EPHA4: variants seen among roughly 807,000 people sequenced by gnomAD.
EPHA4 encodes EPH receptor A4, also known as ephrin type-A receptor 4.
Under a neutral mutation model 108.3 loss-of-function variants are expected in EPHA4, and 19 were observed. The ratio of observed to expected loss-of-function variants is 0.18; its 90% confidence interval spans 0.12 to 0.26. EPHA4 has a LOEUF of 0.26. Among genes scored for constraint, EPHA4 ranks in the 10% least tolerant of loss-of-function variants. EPHA4 has a pLI of 1.00. For missense variants in EPHA4, 917 were observed against 1,254.0 expected (o/e 0.73, Z 4.06); for synonymous variants, 449 against 455.5 (o/e 0.99, Z 0.18).
intron 9 of EPHA4, 39 bp downstream of exon 9, chr2:221,446,084 T>C (rs1160132737): frequency 7.3e-7 from 1 of 1,373,594 alleles, no homozygotes; most frequent in African/African-American, 1.5e-5. Context: ...ACGTGTGACA[T>C]GCTCTAAAAA....
At chr2:221,463,693 A>G (rs549315285) in intron 5 of EPHA4, among the ~76,000 whole-genome samples, 1 of 152,308 alleles carries the variant, frequency 6.6e-6, no homozygotes, top group South Asian at 2.1e-4. Context: ...TGAATGCTGC[A>G]ATTTTCTTTT....
chr2:221,436,772 A>G (rs1690253797), intron 12 of EPHA4, among the ~76,000 whole-genome samples, 164 bp from the exon 13 acceptor site: 1 of 152,184 alleles, frequency 6.6e-6, no homozygotes, highest in Non-Finnish European at 1.5e-5. Context: ...TCACTAGTAG[A>G]CTGTACCCTA....
At chr2:221,546,816 G>A (rs1483785295) in intron 3 of EPHA4, among the ~76,000 whole-genome samples, 1 of 152,116 alleles carries the variant, frequency 6.6e-6, no homozygotes, top group Non-Finnish European at 1.5e-5. Flanking sequence ...GGCAAACATC[G>A]TGTTTCATAT....
chr2:221,543,709 A>G (rs1336065331), intron 3 of EPHA4, among the ~76,000 whole-genome samples: 1 of 152,186 alleles, frequency 6.6e-6, no homozygotes, highest in Admixed American at 6.5e-5. Context: ...CAGCTAAAAC[A>G]CATAGATGAT....
chr2:221,499,750 A>AT (rs1559267812), intron 4 of EPHA4, among the ~76,000 whole-genome samples: 19 of 46,546 alleles, frequency 4.1e-4, no homozygotes, highest in South Asian at 7.2e-4. Flanking sequence ...ATATATATAT[A>AT]TATATATTTT....
At chr2:221,517,429 C>T (rs1026418953) in intron 3 of EPHA4, among the ~76,000 whole-genome samples, 1 of 152,102 alleles carries the variant, frequency 6.6e-6, no homozygotes, top group Non-Finnish European at 1.5e-5. Flanking sequence ...TGATTTGATA[C>T]AAATTGTCAA....
At position 221,493,698 on chromosome 2, in the gene EPHA4, C is replaced by T. The variant is rs563833087; in HGVS notation, c.979+7319G>A. ...TAGAACTGAAATGGTAATTTTAAAA[C>T]AATACACTTTCTGGGAGGAAATACA... On this transcript the variant is annotated intron_variant, in intron 4 of 17. Transcript: ENST00000281821. Among the ~76,000 whole-genome samples the T allele has an allele frequency of 2.6e-5, 4 of 152,190 alleles. No individual in the cohort carries two copies. In the East Asian group the frequency reaches 5.8e-4, roughly 22 times the overall value.
At chr2:221,529,913 G>C (rs181249327) in intron 3 of EPHA4, among the ~76,000 whole-genome samples, 20 of 152,286 alleles carry the variant, frequency 1.3e-4, no homozygotes, top group Non-Finnish European at 2.8e-4. Flanking sequence ...GCTCTCTTGT[G>C]AGTTATTTTC....
intron 3 of EPHA4, among the ~76,000 whole-genome samples, chr2:221,552,427 A>G (rs1006502146): frequency 2.6e-5 from 4 of 152,286 alleles, no homozygotes; most frequent in South Asian, 2.1e-4. Context: ...CAAGCTGTCA[A>G]TGTTCCCCAC....
At chr2:221,480,294 G>A (rs1691780779) in intron 5 of EPHA4, among the ~76,000 whole-genome samples, 1 of 152,090 alleles carries the variant, frequency 6.6e-6, no homozygotes, top group Non-Finnish European at 1.5e-5. Flanking sequence ...TTTTACAGAT[G>A]AGGCTCCAAA....
At chr2:221,483,500 TTGTGTGTGTGTG>T (rs58143142) in intron 4 of EPHA4, among the ~76,000 whole-genome samples, 52 of 143,798 alleles carry the variant, frequency 3.6e-4, no homozygotes, top group Non-Finnish European at 5.5e-4. Flanking sequence ...TGATGTAGAT[TTGTGTGTGTGTG>T]TGTGTGTGTG....
rs1689682856 is a variant in EPHA4, at chr2:221,419,439, T to C, written c.*1933A>G. The C allele has an allele frequency of 6.6e-6, 1 of 152,670 alleles. No individual in the cohort carries two copies. The highest frequency in any genetic ancestry group is 6.5e-5 in the Admixed American group (1 of 15,278). 9.5% of individuals were successfully genotyped at this position (152,670 alleles called of 1,614,324 possible). Reference sequence around the variant, plus strand: ...CACACCATCTCAAAGCTGACACACATATCTACGTTCATCTCCAAAAGTATA... The same window carrying C: ...CACACCATCTCAAAGCTGACACACACATCTACGTTCATCTCCAAAAGTATA... On this transcript the variant is annotated 3_prime_UTR_variant, in exon 18 of 18. Transcript: ENST00000281821.
Position 221,436,562 on chromosome 2 carries a change from C to G in EPHA4, c.2183G>C (p.Arg728Pro). 1 of 1,614,136 alleles carries G rather than the reference C, an allele frequency of 6.2e-7. No homozygotes were observed. Among genetic ancestry groups the G allele is most frequent in the South Asian group, 1.1e-5 (1 of 91,078 alleles). The change falls in exon 13 of 18, where the codon CGT becomes CCT. Residue 728 changes from arginine to proline, a missense_variant. By Grantham distance (103) the Arg-to-Pro change is moderately radical. Around this residue, in one of 3 missense-constraint regions of EPHA4, gnomAD observed 758 missense variants for 1,076.7 expected, o/e 0.70. Transcript: ENST00000281821. ...FTVIQLVGML[R>P]GIGSGMKYLS... The stretch of plus-strand genomic sequence containing the variant: ...ATACTTCATCCCAGACCCAATGCCA[C>G]GAAGCATGCCCACCAGCTGAATGAC...
At chr2:221,475,117 C>T (rs889451705) in intron 5 of EPHA4, among the ~76,000 whole-genome samples, 3 of 152,142 alleles carry the variant, frequency 2.0e-5, no homozygotes, top group Non-Finnish European at 2.9e-5. Flanking sequence ...GTGATCCACT[C>T]GCCCTAGCCT....
intron 5 of EPHA4, among the ~76,000 whole-genome samples, chr2:221,468,324 G>A (rs2106127499): frequency 6.6e-6 from 1 of 152,248 alleles, no homozygotes; most frequent in South Asian, 2.1e-4. Context: ...GGAGAACAAT[G>A]TAAGGAAAAG....
At chr2:221,537,687 G>A (rs1046928479) in intron 3 of EPHA4, among the ~76,000 whole-genome samples, 8 of 152,226 alleles carry the variant, frequency 5.3e-5, no homozygotes, top group African/African-American at 1.9e-4. Context: ...CTACTCAGGA[G>A]GCTGAGGCCG....
chr2:221,515,648 C>T (rs536104419), intron 3 of EPHA4, among the ~76,000 whole-genome samples: 2 of 152,164 alleles, frequency 1.3e-5, no homozygotes, highest in African/African-American at 4.8e-5. Flanking sequence ...GACTCTGTCT[C>T]TACGAGAAGT....
chr2:221,510,200 T>C (rs552685684), intron 3 of EPHA4, among the ~76,000 whole-genome samples: 2 of 152,388 alleles, frequency 1.3e-5, no homozygotes, highest in Non-Finnish European at 2.9e-5. Flanking sequence ...TTCTTCATTA[T>C]TGTTTTTATT....
At chr2:221,439,305 A>G (rs1690340383) in intron 11 of EPHA4, among the ~76,000 whole-genome samples, 1 of 147,874 alleles carries the variant, frequency 6.8e-6, no homozygotes, top group African/African-American at 2.5e-5. Context: ...TTTACCCTCT[A>G]CATATGTGAC....
Sources: allele counts gnomAD v4.1 joint callset (sites outside exome capture counted in the v4.1 genomes callset), GRCh38; gene constraint gnomAD v4.1.1; regional missense constraint gnomAD v4.1.1; transcripts MANE v1.5; gene names NCBI Gene and HGNC (gene_info 2026-07-23, HGNC 2026-07-21).